Variants in SCAMP1 observed in about 807,000 individuals in gnomAD.
The protein encoded by SCAMP1 is secretory carrier membrane protein 1.
SCAMP1 carries 15 observed loss-of-function variants against 41.8 expected under a neutral mutation model. The observed-to-expected ratio is 0.36, with a 90% CI of 0.24 to 0.55. The LOEUF (loss-of-function observed/expected upper bound fraction) is 0.55. Ranked by LOEUF, SCAMP1 falls within the 20% of genes least tolerant of loss-of-function variation. The pLI, the probability that SCAMP1 is intolerant of heterozygous loss-of-function variation, is 0.86. For synonymous variants in SCAMP1, 135 were observed against 136.8 expected, an observed-to-expected ratio of 0.99 and a Z score of 0.09; for missense variants, 341 against 412.6, an observed-to-expected ratio of 0.83 and a Z score of 1.50.
At chr5:78,427,823 G>A (rs1191085989) in intron 6 of SCAMP1, among the ~76,000 whole-genome samples, 1 of 150,698 alleles carries the variant, frequency 6.6e-6, no homozygotes, top group African/African-American at 2.5e-5. Context: ...TATTAGACGT[G>A]TGTCTTTTTT....
chr5:78,380,085 C>T (rs753921115), intron 1 of SCAMP1, among the ~76,000 whole-genome samples: 22 of 152,168 alleles, frequency 1.4e-4, no homozygotes, highest in Non-Finnish European at 3.1e-4. Flanking sequence ...CTCCTCTGCA[C>T]CTTGCTTTTT....
intron 8 of SCAMP1, among the ~76,000 whole-genome samples, chr5:78,469,899 A>AAAAC (rs1753834132): frequency 2.8e-5 from 1 of 35,866 alleles, no homozygotes; most frequent in African/African-American, 1.7e-4. Context: ...TTAAAAAAAA[A>AAAAC]AAAAAAAAAA....
At chr5:78,459,446 C>T in intron 8 of SCAMP1, 84 bp downstream of exon 8, 1 of 696,558 alleles carries the variant, frequency 1.4e-6, no homozygotes, top group Non-Finnish European at 2.5e-6. Flanking sequence ...TTTGGTGTAA[C>T]CTGAAGCCAT....
At chr5:78,379,651 GA>G (rs1182468899) in intron 1 of SCAMP1, among the ~76,000 whole-genome samples, 1 of 152,178 alleles carries the variant, frequency 6.6e-6, no homozygotes, top group African/African-American at 2.4e-5. Context: ...AAAATTGGAA[GA>G]ATGATTTTAG....
At chr5:78,371,407 G>T (rs2112049659) in intron 1 of SCAMP1, among the ~76,000 whole-genome samples, 1 of 152,252 alleles carries the variant, frequency 6.6e-6, no homozygotes, top group South Asian at 2.1e-4. Flanking sequence ...ACCATTTGTT[G>T]AAAAGATTGT....
At chr5:78,471,379 T>C (rs1753879696) in intron 8 of SCAMP1, among the ~76,000 whole-genome samples, 1 of 152,152 alleles carries the variant, frequency 6.6e-6, no homozygotes, top group South Asian at 2.1e-4. Flanking sequence ...GGAGGGTTCA[T>C]AGAGGGTTTC....
intron 6 of SCAMP1, among the ~76,000 whole-genome samples, chr5:78,429,500 AC>A (rs1292853795): frequency 2.6e-4 from 39 of 151,596 alleles, no homozygotes; most frequent in African/African-American, 8.7e-4. Context: ...TTGTAAACCA[AC>A]CCTGCATTTC....
intron 6 of SCAMP1, among the ~76,000 whole-genome samples, chr5:78,427,995 G>C (rs1211059482): frequency 6.6e-6 from 1 of 152,102 alleles, no homozygotes. Context: ...TTTTATCCCA[G>C]TGTGTGGCTT....
At position 78,460,812 on chromosome 5, in the gene SCAMP1, C is replaced by CTTTCTTT. The variant is rs1211929705; in HGVS notation, c.852+1450_852+1451insTTTCTTT. Among the ~76,000 whole-genome samples, 10 of 25,528 alleles carry CTTTCTTT rather than the reference C, an allele frequency of 3.9e-4. 2 individuals carry two copies. The highest frequency in any genetic ancestry group is 6.3e-4 in the African/African-American group (7 of 11,192). 16.7% of individuals were successfully genotyped at this position (25,528 alleles called of 152,430 possible). A position where few individuals can be genotyped will look rare whatever the true frequency, so the allele number is the denominator to read the frequency against. ...TCCTTCCTTCCTTCCTTCCTCCCTT[C>CTTTCTTT]CTTCCTTCCTTTCTTGTCTTTCCTC... On this transcript the variant is annotated intron_variant, in intron 8 of 8. Coordinates refer to ENST00000621999, the MANE Select transcript of SCAMP1 (RefSeq NM_004866.6).
chr5:78,382,689 C>A (rs1263278634), intron 1 of SCAMP1, among the ~76,000 whole-genome samples: 1 of 152,080 alleles, frequency 6.6e-6, no homozygotes, highest in Non-Finnish European at 1.5e-5. Flanking sequence ...TCCTCAGTTA[C>A]TTCACTTAGA....
intron 2 of SCAMP1, among the ~76,000 whole-genome samples, chr5:78,396,565 A>G (rs1328976110): frequency 6.6e-6 from 1 of 152,180 alleles, no homozygotes; most frequent in African/African-American, 2.4e-5. Flanking sequence ...TTCATCAGAG[A>G]GGTCTGGGCT....
intron 2 of SCAMP1, among the ~76,000 whole-genome samples, chr5:78,415,293 A>G (rs771628631): frequency 1.3e-5 from 2 of 152,148 alleles, no homozygotes; most frequent in African/African-American, 4.8e-5. Context: ...TGTTTGTCAT[A>G]TAGTGTTATA....
chr5:78,454,483 A>G (rs575095520), intron 7 of SCAMP1, among the ~76,000 whole-genome samples: 5,502 of 151,028 alleles, frequency 0.036, 279 homozygotes, highest in African/African-American at 0.12. Context: ...GCTGGATTAC[A>G]TTTATTGATT....
intron 2 of SCAMP1, among the ~76,000 whole-genome samples, chr5:78,410,902 G>A (rs1752059586): frequency 6.6e-6 from 1 of 152,142 alleles, no homozygotes; most frequent in Non-Finnish European, 1.5e-5. Flanking sequence ...GATCAGTGAT[G>A]TTGAGCTTTT....
At chr5:78,387,023 T>G (rs1370896371) in intron 1 of SCAMP1, among the ~76,000 whole-genome samples, 1 of 152,232 alleles carries the variant, frequency 6.6e-6, no homozygotes, top group Non-Finnish European at 1.5e-5. Context: ...CGGGGAAGTT[T>G]TCCTCAATTA....
chr5:78,456,293 A>G (rs1753398145), intron 7 of SCAMP1, among the ~76,000 whole-genome samples: 4 of 149,316 alleles, frequency 2.7e-5, no homozygotes, highest in Admixed American at 2.7e-4. Context: ...TGGTCTTTAC[A>G]TTTTGGCATG....
rs35765310 is a variant in SCAMP1 at position 78,365,472 on chromosome 5, CAAAAAA to C, written c.57+4765_57+4770del. ...CTGGGCGACAGTGCGAGACTCATCT[CAAAAAA>C]AAAAAAAAAAAAAAAAAAAAGTTCT... On this transcript the variant is annotated intron_variant, in intron 1 of 8. Coordinates refer to ENST00000621999, the MANE Select transcript of SCAMP1 (RefSeq NM_004866.6). Among the ~76,000 whole-genome samples, 38 of 55,560 alleles carry C rather than the reference CAAAAAA, an allele frequency of 6.8e-4. 1 individual carries two copies. The highest frequency in any genetic ancestry group is 1.7e-3 in the African/African-American group (23 of 13,212). The allele number at this position is 55,560 out of a possible 152,430, so 36.4% of individuals were successfully genotyped here.
intron 6 of SCAMP1, among the ~76,000 whole-genome samples, chr5:78,436,947 G>C (rs933104453): frequency 6.6e-6 from 1 of 152,158 alleles, no homozygotes; most frequent in Non-Finnish European, 1.5e-5. Flanking sequence ...CACATCCCTT[G>C]TAAGTTGGAT....
At chr5:78,460,812 C>CTT (rs1211929705) in intron 8 of SCAMP1, among the ~76,000 whole-genome samples, 3 of 25,526 alleles carry the variant, frequency 1.2e-4, no homozygotes, top group Non-Finnish European at 2.9e-4. Flanking sequence ...TTCCTCCCTT[C>CTT]CTTCCTTCCT....
Sources: allele counts gnomAD v4.1 joint callset (sites outside exome capture counted in the v4.1 genomes callset), GRCh38; gene constraint gnomAD v4.1.1; transcripts MANE v1.5; gene names NCBI Gene and HGNC (gene_info 2026-07-23, HGNC 2026-07-21).